Variants in C2CD5 observed in about 807,000 individuals in gnomAD.
The protein encoded by C2CD5 is C2 domain-containing protein 5.
Under a neutral mutation model 130.3 loss-of-function variants are expected in C2CD5, and 109 were observed. That is an observed-to-expected ratio of 0.84 (90% CI 0.72 to 0.98). C2CD5 has a LOEUF of 0.98. C2CD5 is among the 50% of genes least tolerant of loss of function. The pLI, the probability that C2CD5 is intolerant of heterozygous loss-of-function variation, is 0.00. For synonymous variants in C2CD5, 454 were observed against 429.2 expected, an observed-to-expected ratio of 1.06 and a Z score of -0.71; for missense variants, 996 against 1,261.8, an observed-to-expected ratio of 0.79 and a Z score of 3.19.
At chr12:22,528,214 A>C (rs999097553) in intron 3 of C2CD5, among the ~76,000 whole-genome samples, 1 of 152,198 alleles carries the variant, frequency 6.6e-6, no homozygotes, top group African/African-American at 2.4e-5. Context: ...AAAAATGCCT[A>C]AGGAATGTCA....
intron 26 of C2CD5, among the ~76,000 whole-genome samples, chr12:22,452,825 G>C (rs1388702526): frequency 6.6e-6 from 1 of 152,188 alleles, no homozygotes; most frequent in Non-Finnish European, 1.5e-5. Context: ...CCAGCCACTA[G>C]GGAAGCTGAG....
chr12:22,485,769 A>G (rs904739056), intron 12 of C2CD5, among the ~76,000 whole-genome samples: 8 of 152,130 alleles, frequency 5.3e-5, no homozygotes, highest in Non-Finnish European at 8.8e-5. Context: ...ACAAATTTCA[A>G]TATTAGTGGT....
At chr12:22,542,102 T>C (rs1232300707) in intron 2 of C2CD5, among the ~76,000 whole-genome samples, 1 of 152,208 alleles carries the variant, frequency 6.6e-6, no homozygotes, top group East Asian at 1.9e-4. Flanking sequence ...TTCCCACATA[T>C]TACCTGGATA....
At chr12:22,470,734 A>G in intron 21 of C2CD5, 90 bp downstream of exon 21, 1 of 743,814 alleles carries the variant, frequency 1.3e-6, no homozygotes, top group Non-Finnish European at 2.3e-6. Context: ...GAAATAAGTA[A>G]TTTATTGAAT....
At chr12:22,525,507 C>A in intron 5 of C2CD5, 103 bp downstream of exon 5, 2 of 734,272 alleles carry the variant, frequency 2.7e-6, no homozygotes, top group Non-Finnish European at 2.4e-6. Flanking sequence ...GCATTAAAAC[C>A]AAGTACAATA....
intron 10 of C2CD5, among the ~76,000 whole-genome samples, chr12:22,505,413 C>T (rs59541399): frequency 0.021 from 3,210 of 152,026 alleles, 101 homozygotes; most frequent in African/African-American, 0.073. Flanking sequence ...CCTGCCACCA[C>T]GCTCAGCTGA....
intron 15 of C2CD5, among the ~76,000 whole-genome samples, chr12:22,476,261 C>T (rs1197840824): frequency 6.6e-6 from 1 of 152,090 alleles, no homozygotes; most frequent in Non-Finnish European, 1.5e-5. Flanking sequence ...CTCTGATCTA[C>T]ATATTCAGGG....
At chr12:22,541,861 G>A (rs1228140495) in intron 2 of C2CD5, among the ~76,000 whole-genome samples, 2 of 152,090 alleles carry the variant, frequency 1.3e-5, no homozygotes, top group African/African-American at 4.8e-5. Flanking sequence ...TGAATTAAGA[G>A]AAGGAACCAA....
In C2CD5 at chr12:22,513,350, C is replaced by T. The variant is rs142327845; in HGVS notation, c.982G>A (p.Gly328Arg). 1 of 1,612,344 alleles carries T rather than the reference C, an allele frequency of 6.2e-7. No individual in the cohort carries two copies. Among genetic ancestry groups the T allele is most frequent in the Non-Finnish European group, 8.5e-7 (1 of 1,178,538 alleles). The change falls in exon 9 of 27, where the codon GGG (glycine) becomes AGG (arginine). Residue 328 changes from glycine to arginine, a missense_variant. By Grantham distance (125) the Gly-to-Arg change is moderately radical (BLOSUM62 -2). Coordinates refer to ENST00000446597, the MANE Select transcript of C2CD5 (RefSeq NM_001286176.2). ...CTTAAAAGAGCTTTAAAGGGCCCCC[C>T]TTCTTTTCCAGCACTACCACTTCCC... ...GMGSGSAGKE[G>R]GPFKALLRQQ...
chr12:22,490,570 T>C (rs747830253), intron 11 of C2CD5, among the ~76,000 whole-genome samples: 2 of 152,138 alleles, frequency 1.3e-5, no homozygotes, highest in Non-Finnish European at 1.5e-5. Context: ...TCAATGAAAC[T>C]ATATTAAAAT....
At chr12:22,500,653 A>G (rs1289098700) in intron 10 of C2CD5, among the ~76,000 whole-genome samples, 2 of 152,220 alleles carry the variant, frequency 1.3e-5, no homozygotes, top group Non-Finnish European at 2.9e-5. Context: ...CCCTAGACCT[A>G]GCAAATTGCG....
chr12:22,470,992 G>A (rs897690368), intron 20 of C2CD5, 81 bp from the exon 21 acceptor site: 22 of 877,996 alleles, frequency 2.5e-5, no homozygotes, highest in Admixed American at 8.7e-5. Flanking sequence ...TCAGTACCAC[G>A]GAACAACCTA....
At position 22,449,072 on chromosome 12, in the gene C2CD5, T is replaced by A. The variant is rs1304564647; in HGVS notation, c.*688A>T. On this transcript the variant is annotated 3_prime_UTR_variant, in exon 27 of 27. Coordinates refer to ENST00000446597, the MANE Select transcript of C2CD5 (RefSeq NM_001286176.2). ...GACAAAGTCAATACTAACTCAAATG[T>A]TGCCAGTTATAAAATTATATAATAA... is the stretch of plus-strand genomic sequence containing the variant. 1.3e-5 allele frequency: 2 copies of A among 152,158 alleles called. No homozygotes were observed. The highest frequency in any genetic ancestry group is 3.8e-4 in the East Asian group (2 of 5,202). 9.4% of individuals were successfully genotyped at this position (152,158 alleles called of 1,614,324 possible).
chr12:22,452,407 T>C (rs1487962795), intron 26 of C2CD5, among the ~76,000 whole-genome samples: 2 of 152,016 alleles, frequency 1.3e-5, no homozygotes, highest in African/African-American at 4.8e-5. Context: ...ATCTTTCTTC[T>C]CCCCATGTAC....
At chr12:22,530,865 T>TA (rs1951209179) in intron 3 of C2CD5, among the ~76,000 whole-genome samples, 1 of 152,182 alleles carries the variant, frequency 6.6e-6, no homozygotes, top group African/African-American at 2.4e-5. Flanking sequence ...TCACTAGCTT[T>TA]AAAAAATACC....
chr12:22,528,470 A>G (rs1455991858), intron 3 of C2CD5, among the ~76,000 whole-genome samples: 1 of 152,230 alleles, frequency 6.6e-6, no homozygotes, highest in African/African-American at 2.4e-5. Flanking sequence ...TTTACAATGG[A>G]GAACAGTGCA....
intron 8 of C2CD5, among the ~76,000 whole-genome samples, chr12:22,515,823 A>G (rs1949662576): frequency 6.6e-6 from 1 of 151,992 alleles, no homozygotes; most frequent in Non-Finnish European, 1.5e-5. Flanking sequence ...ACCCTCTATA[A>G]AAACTATACA....
intron 2 of C2CD5, among the ~76,000 whole-genome samples, chr12:22,536,861 A>G (rs978424985): frequency 3.3e-5 from 5 of 152,184 alleles, no homozygotes; most frequent in Admixed American, 2.6e-4. Context: ...TTTTAATCAC[A>G]ATGATAAAGA....
chr12:22,519,796 G>GA (rs2136976773), intron 7 of C2CD5, among the ~76,000 whole-genome samples: 1 of 152,108 alleles, frequency 6.6e-6, no homozygotes, highest in Non-Finnish European at 1.5e-5. Flanking sequence ...GAACTGATTG[G>GA]ATATACGCAG....
Sources: allele counts gnomAD v4.1 joint callset (sites outside exome capture counted in the v4.1 genomes callset), GRCh38; gene constraint gnomAD v4.1.1; transcripts MANE v1.5; gene names NCBI Gene and HGNC (gene_info 2026-07-23, HGNC 2026-07-21).